WWOX: variants seen among roughly 807,000 people sequenced by gnomAD.
WWOX encodes WW domain containing oxidoreductase.
WWOX carries 69 observed loss-of-function variants against 46.2 expected under a neutral mutation model. The observed-to-expected ratio is 1.49, with a 90% CI of 1.23 to 1.82. The LOEUF (loss-of-function observed/expected upper bound fraction) is 1.82. Among genes scored for constraint, WWOX ranks in the 40% most tolerant of loss-of-function variants. WWOX has a pLI of 0.00. For synonymous variants in WWOX, 359 were observed against 202.6 expected (o/e 1.77, Z -6.56); for missense variants, 919 against 542.6 (o/e 1.69, Z -6.89).
chr16:78,752,715 G>C (rs1459291285), intron 8 of WWOX, among the ~76,000 whole-genome samples: 1 of 152,170 alleles, frequency 6.6e-6, no homozygotes, highest in East Asian at 1.9e-4. Flanking sequence ...GCCCTGCTTT[G>C]TGCTAATGAG....
intron 8 of WWOX, among the ~76,000 whole-genome samples, chr16:78,817,900 A>G (rs1309386376): frequency 6.6e-6 from 1 of 152,154 alleles, no homozygotes; most frequent in Admixed American, 6.5e-5. Context: ...AAACCATCTC[A>G]TTGGGCTTTC....
intron 8 of WWOX, among the ~76,000 whole-genome samples, chr16:79,035,694 A>T (rs1204766569): frequency 2.0e-5 from 3 of 152,118 alleles, no homozygotes; most frequent in African/African-American, 7.2e-5. Context: ...GTGCACCACC[A>T]TGCCTGGCTA....
chr16:79,210,796 C>T (rs1456162302), intron 8 of WWOX, among the ~76,000 whole-genome samples: 4 of 152,062 alleles, frequency 2.6e-5, no homozygotes, highest in Non-Finnish European at 4.4e-5. Flanking sequence ...TGATATGATG[C>T]CTCATCACTG....
intron 5 of WWOX, among the ~76,000 whole-genome samples, chr16:78,176,376 T>C (rs942859784): frequency 3.9e-5 from 6 of 152,190 alleles, no homozygotes; most frequent in Non-Finnish European, 7.3e-5. Flanking sequence ...GCGTGCAGAC[T>C]CAGGAGCCAA....
At chr16:79,061,296 G>T (rs962657089) in intron 8 of WWOX, among the ~76,000 whole-genome samples, 4 of 152,128 alleles carry the variant, frequency 2.6e-5, no homozygotes, top group Admixed American at 6.5e-5. Context: ...GTGCTTAGTA[G>T]TATCTTATTA....
At chr16:79,075,319 A>T (rs971574319) in intron 8 of WWOX, among the ~76,000 whole-genome samples, 3 of 152,148 alleles carry the variant, frequency 2.0e-5, no homozygotes, top group East Asian at 1.9e-4. Context: ...TGTTCAAGAC[A>T]CCGGCAGATC....
chr16:78,361,013 G>A (rs967684477), intron 5 of WWOX, among the ~76,000 whole-genome samples: 9 of 152,108 alleles, frequency 5.9e-5, no homozygotes, highest in African/African-American at 1.9e-4. Context: ...TATCAAGGCA[G>A]GGTTTCATCA....
intron 8 of WWOX, among the ~76,000 whole-genome samples, chr16:78,462,551 C>A (rs899475598): frequency 6.6e-6 from 1 of 152,188 alleles, no homozygotes; most frequent in African/African-American, 2.4e-5. Flanking sequence ...TCTTCAGTGT[C>A]TGCAAATGAC....
chr16:78,876,478 T>C (rs2044236697), intron 8 of WWOX, among the ~76,000 whole-genome samples: 1 of 152,142 alleles, frequency 6.6e-6, no homozygotes, highest in Non-Finnish European at 1.5e-5. Flanking sequence ...TTCTTTTTTT[T>C]TTTTTTTAAA....
Position 78,099,685 on chromosome 16 carries a change from ACG to A in WWOX, c.-87_-86del, listed in dbSNP as rs890715320. The A allele has an allele frequency of 7.0e-7, 1 of 1,433,252 alleles. No homozygotes were observed. Among genetic ancestry groups the A allele is most frequent in the African/African-American group, 1.5e-5 (1 of 67,980 alleles). The allele number at this position is 1,433,252 out of a possible 1,614,324, so 88.8% of individuals were successfully genotyped here. A position where few individuals can be genotyped will look rare whatever the true frequency, so the allele number is the denominator to read the frequency against. On this transcript the variant is annotated 5_prime_UTR_variant, in exon 1 of 9. Transcript: ENST00000566780. ...CGCAGGCGTGAGCGGTCGGGCCCCG[ACG>A]CGCGCGGGTCTCGTTTGGAGCGGGA...
intron 4 of WWOX, among the ~76,000 whole-genome samples, chr16:78,140,912 G>A (rs2033963562): frequency 6.6e-6 from 1 of 152,146 alleles, no homozygotes; most frequent in African/African-American, 2.4e-5. Flanking sequence ...CATTCAACAA[G>A]TCATTCGAAA....
intron 5 of WWOX, among the ~76,000 whole-genome samples, chr16:78,382,887 A>T (rs1165448241): frequency 6.6e-6 from 1 of 151,582 alleles, no homozygotes; most frequent in East Asian, 1.9e-4. Flanking sequence ...GAGACTGTGT[A>T]ATTTATAAAG....
At chr16:78,935,607 G>C (rs2045720203) in intron 8 of WWOX, among the ~76,000 whole-genome samples, 1 of 145,132 alleles carries the variant, frequency 6.9e-6, no homozygotes, top group African/African-American at 2.5e-5. Context: ...GGCCTGTCGT[G>C]GGCTGGGGGG....
chr16:79,054,455 C>G (rs1184754819), intron 8 of WWOX, among the ~76,000 whole-genome samples: 1 of 152,114 alleles, frequency 6.6e-6, no homozygotes, highest in Admixed American at 6.6e-5. Flanking sequence ...AGAAGTCTTT[C>G]CAAAATGCGC....
At chr16:78,137,762 G>C (rs2033849878) in intron 4 of WWOX, among the ~76,000 whole-genome samples, 1 of 151,584 alleles carries the variant, frequency 6.6e-6, no homozygotes, top group African/African-American at 2.4e-5. Flanking sequence ...TTATTTGACA[G>C]CTCTTAGGTA....
At chr16:78,176,025 G>A (rs182468053) in intron 5 of WWOX, among the ~76,000 whole-genome samples, 2 of 152,146 alleles carry the variant, frequency 1.3e-5, no homozygotes, top group East Asian at 1.9e-4. Flanking sequence ...GAATCACCCC[G>A]CTTTGGCATA....
chr16:78,116,752 G>C (rs1050105965), intron 4 of WWOX, among the ~76,000 whole-genome samples: 24 of 152,178 alleles, frequency 1.6e-4, no homozygotes, highest in African/African-American at 4.8e-4. Flanking sequence ...AGGACTTAAG[G>C]GCTTAAAAAT....
At chr16:79,068,166 G>A (rs1170770518) in intron 8 of WWOX, among the ~76,000 whole-genome samples, 1 of 152,192 alleles carries the variant, frequency 6.6e-6, no homozygotes, top group Non-Finnish European at 1.5e-5. Flanking sequence ...AGTGATTGAG[G>A]AGAGAGCATT....
At chr16:78,983,900 T>C (rs1411010578) in intron 8 of WWOX, among the ~76,000 whole-genome samples, 4 of 102,818 alleles carry the variant, frequency 3.9e-5, no homozygotes, top group African/African-American at 1.4e-4. Context: ...TTTTGTGAGA[T>C]GGAGTCTTGC....
Sources: allele counts gnomAD v4.1 joint callset (sites outside exome capture counted in the v4.1 genomes callset), GRCh38; gene constraint gnomAD v4.1.1; transcripts MANE v1.5; gene names NCBI Gene and HGNC (gene_info 2026-07-23, HGNC 2026-07-21).